Variants in SLC22A2 observed in about 807,000 individuals in gnomAD.
The protein encoded by SLC22A2 is solute carrier family 22 member 2.
SLC22A2 carries 46 observed loss-of-function variants against 60.5 expected under a neutral mutation model. That is an observed-to-expected ratio of 0.76 (90% CI 0.60 to 0.97). SLC22A2 has a LOEUF of 0.97. Ranked by LOEUF, SLC22A2 falls within the 50% of genes least tolerant of loss-of-function variation. The pLI, the probability that SLC22A2 is intolerant of heterozygous loss-of-function variation, is 0.00. For synonymous variants in SLC22A2, 303 were observed against 267.0 expected (o/e 1.13, Z -1.31); for missense variants, 701 against 706.6 (o/e 0.99, Z 0.09).
At chr6:160,217,730 C>T (rs1374725542) in intron 10 of SLC22A2, among the ~76,000 whole-genome samples, 6 of 152,062 alleles carry the variant, frequency 3.9e-5, no homozygotes, top group Non-Finnish European at 5.9e-5. Context: ...TGGTACTGGC[C>T]TAAATAAGTT....
chr6:160,257,176 C>A (rs770424532), intron 1 of SLC22A2, among the ~76,000 whole-genome samples: 1 of 152,186 alleles, frequency 6.6e-6, no homozygotes, highest in Non-Finnish European at 1.5e-5. Flanking sequence ...TACTTATAGA[C>A]AAATTTATTT....
At chr6:160,236,547 T>G (rs1343300310) in intron 9 of SLC22A2, among the ~76,000 whole-genome samples, 1 of 152,210 alleles carries the variant, frequency 6.6e-6, no homozygotes, top group Non-Finnish European at 1.5e-5. Context: ...TTTGCATAAG[T>G]GCAATAAGAA....
chr6:160,236,772 AG>A (rs1488904425), intron 9 of SLC22A2, among the ~76,000 whole-genome samples: 6 of 152,150 alleles, frequency 3.9e-5, no homozygotes, highest in African/African-American at 9.7e-5. Flanking sequence ...TGACAGACCC[AG>A]GAGCCTGAGT....
rs1232927644 is a variant in SLC22A2 at position 160,216,862 on chromosome 6, T to G, written c.*570A>C. The G allele has an allele frequency of 1.3e-5, 2 of 152,092 alleles. No homozygotes were observed. The highest frequency in any genetic ancestry group is 4.8e-5 in the African/African-American group (2 of 41,370). The allele number at this position is 152,092 out of a possible 1,614,324, so 9.4% of individuals were successfully genotyped here. A position where few individuals can be genotyped will look rare whatever the true frequency, so the allele number is the denominator to read the frequency against. ...AATATGGAAGGACCTCATGATCACT[T>G]AAGTTGTATTCCTGATTCTTTTATT... On this transcript the variant is annotated 3_prime_UTR_variant, in exon 11 of 11. Coordinates refer to ENST00000366953, the MANE Select transcript of SLC22A2 (RefSeq NM_003058.4).
Position 160,258,682 on chromosome 6 carries a change from A to G in SLC22A2, c.76T>C (p.Leu26=), listed in dbSNP as rs1274735926. The G allele has an allele frequency of 1.2e-6, 2 of 1,610,728 alleles. No individual in the cohort carries two copies. The part of the protein sequence containing the change: ...HFFQKQMFFL[L]ALLSATFAPI... Reference sequence around the variant, plus strand: ...GCGAAGGTAGCCGAGAGCAGAGCCAAGAGGAAAAACATTTGCTTCTGGAAA... The same window carrying G: ...GCGAAGGTAGCCGAGAGCAGAGCCAGGAGGAAAAACATTTGCTTCTGGAAA... The change falls in exon 1 of 11, where the codon TTG becomes CTG. Residue 26 remains leucine (L), a synonymous_variant. Transcript: ENST00000366953.
In SLC22A2 at chr6:160,247,274, C is replaced by A; in HGVS notation, c.867G>T (p.Trp289Cys). 6.2e-7 allele frequency: 1 copy of A among 1,611,792 alleles called. No individual in the cohort carries two copies. Among genetic ancestry groups the A allele is most frequent in the Non-Finnish European group, 8.5e-7 (1 of 1,177,878 alleles). The change falls in exon 5 of 11, where the codon TGG becomes TGT. Residue 289 changes from tryptophan (W) to cysteine (C), a missense_variant. Trp to Cys is a radical substitution (Grantham distance 215). Coordinates refer to ENST00000366953, the MANE Select transcript of SLC22A2 (RefSeq NM_003058.4). ...CAGCATTCTTATTCTGGGAGATCAGCCACCTGGGAGACTCAGGTATGCACC... is the reference window on the plus strand; with the variant it reads ...CAGCATTCTTATTCTGGGAGATCAGACACCTGGGAGACTCAGGTATGCACC... ...YYWCIPESPR[W>C]LISQNKNAEA...
At chr6:160,224,291 A>T (rs370258348) in intron 10 of SLC22A2, among the ~76,000 whole-genome samples, 1 of 148,482 alleles carries the variant, frequency 6.7e-6, no homozygotes, top group Non-Finnish European at 1.5e-5. Flanking sequence ...CAAATCTGTT[A>T]TTTTTTTTTT....
chr6:160,218,305 T>G (rs963863235), intron 10 of SLC22A2: 2 of 186,512 alleles, frequency 1.1e-5, no homozygotes, highest in Non-Finnish European at 2.0e-5. Context: ...TAACAACAAC[T>G]ACAGCAGCAG....
chr6:160,243,256 G>A (rs1303984846), intron 7 of SLC22A2, among the ~76,000 whole-genome samples: 1 of 152,152 alleles, frequency 6.6e-6, no homozygotes, highest in African/African-American at 2.4e-5. Flanking sequence ...CACCCAGGAA[G>A]GGCTGGAGTA....
chr6:160,221,312 C>G (rs1782641288), intron 10 of SLC22A2, among the ~76,000 whole-genome samples: 1 of 152,206 alleles, frequency 6.6e-6, no homozygotes, highest in Non-Finnish European at 1.5e-5. Flanking sequence ...CTGTCTCAGC[C>G]TTCATATAAT....
chr6:160,224,291 A>ATTTT (rs10666190), intron 10 of SLC22A2, among the ~76,000 whole-genome samples: 14 of 148,486 alleles, frequency 9.4e-5, no homozygotes, highest in South Asian at 6.3e-4. Context: ...CAAATCTGTT[A>ATTTT]TTTTTTTTTT....
At chr6:160,223,548 A>G (rs1307016217) in intron 10 of SLC22A2, among the ~76,000 whole-genome samples, 1 of 152,194 alleles carries the variant, frequency 6.6e-6, no homozygotes, top group Non-Finnish European at 1.5e-5. Flanking sequence ...ATTTTACAGA[A>G]TGGCATATCA....
chr6:160,258,090 G>C (rs1409384145), intron 1 of SLC22A2: 3 of 494,652 alleles, frequency 6.1e-6, no homozygotes, highest in Non-Finnish European at 7.1e-6. Flanking sequence ...GCTTTGGCCT[G>C]TTCCTTATTG....
chr6:160,239,839 G>A (rs2114861569), intron 9 of SLC22A2, among the ~76,000 whole-genome samples: 1 of 152,282 alleles, frequency 6.6e-6, no homozygotes, highest in South Asian at 2.1e-4. Flanking sequence ...GATCATGGAG[G>A]AATTCATTGC....
chr6:160,246,740 C>G (rs1260406571), intron 5 of SLC22A2, among the ~76,000 whole-genome samples: 1 of 151,574 alleles, frequency 6.6e-6, no homozygotes, highest in South Asian at 2.1e-4. Context: ...GAGTAAGACT[C>G]CATCTCAAAA....
At chr6:160,258,243 G>T in intron 1 of SLC22A2, 101 bp downstream of exon 1, 1 of 1,325,628 alleles carries the variant, frequency 7.5e-7, no homozygotes, top group Non-Finnish European at 1.0e-6. Flanking sequence ...CCAAAGAGAT[G>T]TCCAGGCAGG....
At chr6:160,253,882 C>A (rs1783226592) in intron 2 of SLC22A2, among the ~76,000 whole-genome samples, 1 of 152,150 alleles carries the variant, frequency 6.6e-6, no homozygotes, top group Non-Finnish European at 1.5e-5. Flanking sequence ...AAGTGAACCA[C>A]AGTGGGTATA....
intron 10 of SLC22A2, among the ~76,000 whole-genome samples, chr6:160,217,740 T>A (rs1237204743): frequency 6.6e-6 from 1 of 152,172 alleles, no homozygotes; most frequent in Non-Finnish European, 1.5e-5. Context: ...CTAAATAAGT[T>A]CCTTTTTTAG....
At chr6:160,221,689 T>C (rs1562429614) in intron 10 of SLC22A2, among the ~76,000 whole-genome samples, 26 of 152,154 alleles carry the variant, frequency 1.7e-4, no homozygotes. Flanking sequence ...TCTTGGGCCA[T>C]AGGAAGGCCC....
Sources: allele counts gnomAD v4.1 joint callset (sites outside exome capture counted in the v4.1 genomes callset), GRCh38; gene constraint gnomAD v4.1.1; transcripts MANE v1.5; gene names NCBI Gene and HGNC (gene_info 2026-07-23, HGNC 2026-07-21).